The following EIF4E2 variants were observed in gnomAD, a reference collection of about 807,000 sequenced individuals.
EIF4E2 encodes eukaryotic translation initiation factor 4E type 2.
A neutral mutation model predicts 34.2 loss-of-function variants in EIF4E2; 13 were observed. The observed-to-expected ratio is 0.38, with a 90% confidence interval of 0.25 to 0.60. EIF4E2 has a LOEUF of 0.60. Among genes scored for constraint, EIF4E2 ranks in the 20% least tolerant of loss-of-function variants. The pLI is 0.62. For synonymous variants in EIF4E2, 100 were observed against 106.6 expected (o/e 0.94, Z 0.38); for missense variants, 222 against 315.1 (o/e 0.70, Z 2.24).
Position 232,581,006 on chromosome 2 carries a change from G to A in EIF4E2, c.*63G>A. The A allele has an allele frequency of 6.7e-7, 1 of 1,486,722 alleles. No individual in the cohort carries two copies. Among genetic ancestry groups the A allele is most frequent in the South Asian group, 1.2e-5 (1 of 82,724 alleles). 92.1% of individuals were successfully genotyped at this position (1,486,722 alleles called of 1,614,324 possible). A position where few individuals can be genotyped will look rare whatever the true frequency, so the allele number is the denominator to read the frequency against. ...TGTGTTTGTCCGAAATGGATGGGAG[G>A]CCTCCAGCCAGTCCTTCCATTGCTC... On this transcript the variant is annotated 3_prime_UTR_variant, in exon 7 of 7. Transcript: ENST00000409098. This position sits in a 1 kb window ranked among gnomAD's most constrained non-coding sequence, Gnocchi z 5.2.
downstream of EIF4E2, chr2:232,574,148 T>A (rs1195916945): frequency 2.8e-6 from 3 of 1,062,316 alleles, no homozygotes; most frequent in Admixed American, 6.0e-5. Context: ...TACCTGTGGC[T>A]CCACTCGGCT....
At chr2:232,563,124 G>C (rs1692780786) in intron 3 of EIF4E2, among the ~76,000 whole-genome samples, 1 of 152,198 alleles carries the variant, frequency 6.6e-6, no homozygotes, top group Non-Finnish European at 1.5e-5. Context: ...TGTTGATTTA[G>C]AGCCTGCTCA....
At chr2:232,565,916 AC>A (rs1388815161) in intron 4 of EIF4E2, among the ~76,000 whole-genome samples, 1 of 150,692 alleles carries the variant, frequency 6.6e-6, no homozygotes, top group African/African-American at 2.4e-5. Context: ...ATATGGTGAA[AC>A]CCTGTCTCTA....
downstream of EIF4E2, chr2:232,574,007 C>T: frequency 1.5e-6 from 1 of 670,426 alleles, no homozygotes; most frequent in Non-Finnish European, 2.8e-6. Context: ...AACACTGGTG[C>T]AAATCCTTGA....
At chr2:232,579,726 C>A (rs929874467) in intron 6 of EIF4E2, among the ~76,000 whole-genome samples, 3 of 152,052 alleles carry the variant, frequency 2.0e-5, no homozygotes, top group Non-Finnish European at 2.9e-5. Context: ...TTTGGGAGAC[C>A]ATGACAGGAG....
intron 1 of EIF4E2, chr2:232,551,139 C>A (rs1692298702): frequency 1.8e-6 from 1 of 547,488 alleles, no homozygotes; most frequent in South Asian, 1.5e-5. Flanking sequence ...CACTCCCTCT[C>A]CCCTCTGAGC....
Position 232,569,042 on chromosome 2 carries a change from A to C in EIF4E2, c.*25A>C. ...ACCCTCTCCCTCTCTGGATGGCACC[A>C]TCATTGAAGCTGGCGTCATCGGAGT... On this transcript the variant is annotated 3_prime_UTR_variant, in exon 7 of 7. Transcript: ENST00000258416. The C allele has an allele frequency of 1.9e-6, 3 of 1,613,144 alleles. No homozygotes were observed. Among genetic ancestry groups the C allele is most frequent in the Non-Finnish European group, 2.5e-6 (3 of 1,179,624 alleles).
chr2:232,563,088 C>A (rs753693487), intron 3 of EIF4E2, among the ~76,000 whole-genome samples: 2 of 152,214 alleles, frequency 1.3e-5, no homozygotes, highest in Non-Finnish European at 2.9e-5. Context: ...CCATTGTCAG[C>A]TCCACAGTTG....
intron 1 of EIF4E2, among the ~76,000 whole-genome samples, chr2:232,551,913 G>T (rs1692348235): frequency 6.6e-6 from 1 of 151,980 alleles, no homozygotes; most frequent in African/African-American, 2.4e-5. Context: ...GTCTTTGCCC[G>T]ACCTCTTCTC....
intron 6 of EIF4E2, among the ~76,000 whole-genome samples, chr2:232,576,551 A>G (rs1343000307): frequency 1.3e-5 from 2 of 152,154 alleles, no homozygotes; most frequent in African/African-American, 2.4e-5. Context: ...CTCGTGGTTC[A>G]GGTATTTTCC....
At chr2:232,561,446 A>G (rs1692722875) in intron 3 of EIF4E2, among the ~76,000 whole-genome samples, 1 of 152,212 alleles carries the variant, frequency 6.6e-6, no homozygotes, top group Non-Finnish European at 1.5e-5. Flanking sequence ...GGCTTCATCC[A>G]TGCTCACTGG....
chr2:232,580,889 A>G (rs1307915736), intron 6 of EIF4E2: 2 of 1,546,174 alleles, frequency 1.3e-6, no homozygotes, highest in Non-Finnish European at 1.7e-6. Flanking sequence ...ATTTTCTCCC[A>G]TTTTTTTCTT....
At chr2:232,556,920 TGAGA>T (rs149802072) in intron 2 of EIF4E2, among the ~76,000 whole-genome samples, 1 of 151,420 alleles carries the variant, frequency 6.6e-6, no homozygotes, top group African/African-American at 2.4e-5. Flanking sequence ...ACTTAGGGAA[TGAGA>T]GAGAGAGAGA....
At chr2:232,563,691 A>G (rs1236350431) in intron 3 of EIF4E2, among the ~76,000 whole-genome samples, 1 of 152,202 alleles carries the variant, frequency 6.6e-6, no homozygotes, top group Non-Finnish European at 1.5e-5. Context: ...GTAACTAAAC[A>G]GGTCTAAGAG....
chr2:232,569,299 T>G, downstream of EIF4E2: 17 of 1,219,476 alleles, frequency 1.4e-5, no homozygotes, highest in Non-Finnish European at 1.8e-5. Flanking sequence ...GCACAGACTT[T>G]TCCATGGAGG....
chr2:232,577,381 G>A (rs13393800), intron 6 of EIF4E2, among the ~76,000 whole-genome samples: 32,854 of 152,138 alleles, frequency 0.22, 4,360 homozygotes, highest in East Asian at 0.35. Flanking sequence ...GCTTTCACTT[G>A]AGAACCCAGA....
At chr2:232,571,316 A>C (rs1275915182), downstream of EIF4E2, among the ~76,000 whole-genome samples, 1 of 152,222 alleles carries the variant, frequency 6.6e-6, no homozygotes, top group Non-Finnish European at 1.5e-5. Context: ...TGTTAAACTG[A>C]GTTCTTGCTC....
chr2:232,581,146 G>A lies in EIF4E2; in HGVS notation c.*203G>A, dbSNP rs975470471. On this transcript the variant is annotated 3_prime_UTR_variant, in exon 7 of 7. Coordinates refer to the EIF4E2 transcript ENST00000409098. The surrounding 1 kb of genome is among the most constrained non-coding windows in gnomAD (Gnocchi z 5.2). ...TTTATAAAGCGGAAAAACGGAAAAC[G>A]TGACTTTGTAATAGACAAACATTGT... 6 of 706,306 alleles carry A rather than the reference G, an allele frequency of 8.5e-6. No individual in the cohort carries two copies. Among genetic ancestry groups the A allele is most frequent in the East Asian group, 2.7e-5 (1 of 36,400 alleles). The allele number at this position is 706,306 out of a possible 1,614,324, so 43.8% of individuals were successfully genotyped here. A position where few individuals can be genotyped will look rare whatever the true frequency, so the allele number is the denominator to read the frequency against.
chr2:232,551,012 T>C (rs1692291840), intron 1 of EIF4E2: 1 of 609,176 alleles, frequency 1.6e-6, no homozygotes, highest in Non-Finnish European at 2.9e-6. Context: ...GGGGAGATTT[T>C]CGGACGCCCC....
Sources: allele counts gnomAD v4.1 joint callset (sites outside exome capture counted in the v4.1 genomes callset), GRCh38; gene constraint gnomAD v4.1.1; non-coding constraint Gnocchi (gnomAD v3.1); transcripts MANE v1.5; gene names NCBI Gene and HGNC (gene_info 2026-07-23, HGNC 2026-07-21).